CECR2: variants seen among roughly 807,000 people sequenced by gnomAD.
CECR2 encodes chromatin remodeling regulator CECR2.
In CECR2, 30 loss-of-function variants were observed where a neutral mutation model predicts 154.5. The ratio of observed to expected loss-of-function variants is 0.19; its 90% CI spans 0.15 to 0.26. The LOEUF (loss-of-function observed/expected upper bound fraction) is 0.26, where lower values mean the gene tolerates loss of function less well. Among genes scored for constraint, CECR2 ranks in the 10% least tolerant of loss-of-function variants. The pLI, the probability that CECR2 is intolerant of heterozygous loss-of-function variation, is 1.00. For synonymous variants in CECR2, 725 were observed against 683.7 expected (o/e 1.06, Z -0.94); for missense variants, 1,743 against 1,829.3 (o/e 0.95, Z 0.86).
intron 1 of CECR2, among the ~76,000 whole-genome samples, chr22:17,441,225 C>T (rs111494820): frequency 1.1e-4 from 17 of 152,324 alleles, no homozygotes; most frequent in African/African-American, 3.8e-4. Flanking sequence ...GCTGGGATTA[C>T]AGGCGTGAGC....
At chr22:17,473,876 G>T (rs563332775) in intron 1 of CECR2, among the ~76,000 whole-genome samples, 1 of 152,284 alleles carries the variant, frequency 6.6e-6, no homozygotes, top group African/African-American at 2.4e-5. Context: ...CATTTTAACT[G>T]ATCAGCCAGC....
chr22:17,423,518 AAAG>A (rs984368002), intron 1 of CECR2, among the ~76,000 whole-genome samples: 3 of 151,416 alleles, frequency 2.0e-5, no homozygotes, highest in South Asian at 2.1e-4. Flanking sequence ...AAAAAAAAAA[AAAG>A]AAGAAGAATT....
In CECR2 at chr22:17,458,563, A is replaced by C. The variant is rs533120546; in HGVS notation, c.127-19025A>C. ...GTTATGTAAGATGTTACCATTGGGG[A>C]AATTCTGATGAAGATCACATGGGAT... On this transcript the variant is annotated intron_variant, in intron 1 of 18. Transcript: ENST00000262608. Among the ~76,000 whole-genome samples the C allele has an allele frequency of 6.6e-5, 10 of 151,924 alleles. No individual in the cohort carries two copies. The South Asian group carries it at 2.1e-3, about 32-fold the overall frequency.
chr22:17,515,022 CAA>C (rs913316044), intron 8 of CECR2, among the ~76,000 whole-genome samples: 20 of 83,054 alleles, frequency 2.4e-4, no homozygotes, highest in Admixed American at 4.1e-4. Context: ...GACTCCGTCT[CAA>C]AAAAAAAAAA....
intron 1 of CECR2, among the ~76,000 whole-genome samples, chr22:17,458,621 A>G (rs925754302): frequency 6.6e-6 from 1 of 152,104 alleles, no homozygotes; most frequent in African/African-American, 2.4e-5. Flanking sequence ...ACCTATAATT[A>G]TTTCCAAGTA....
intron 10 of CECR2, among the ~76,000 whole-genome samples, chr22:17,537,710 T>C (rs559859524): frequency 1.3e-5 from 2 of 152,184 alleles, no homozygotes; most frequent in South Asian, 2.1e-4. Context: ...TAGTTGAAAA[T>C]GTGCTATAGG....
At chr22:17,439,056 G>C (rs1557621) in intron 1 of CECR2, among the ~76,000 whole-genome samples, 18,992 of 151,690 alleles carry the variant, frequency 0.13, 1,360 homozygotes, top group South Asian at 0.25. Flanking sequence ...AGAAGACCTA[G>C]CATTAATTCT....
At chr22:17,402,846 C>CT (rs1328839364) in intron 1 of CECR2, among the ~76,000 whole-genome samples, 19 of 151,836 alleles carry the variant, frequency 1.3e-4, no homozygotes, top group Admixed American at 1.0e-3. Flanking sequence ...CAACCTCCGC[C>CT]TCCCGGGTTC....
intron 1 of CECR2, among the ~76,000 whole-genome samples, chr22:17,415,940 G>C (rs1428307505): frequency 6.6e-6 from 1 of 152,130 alleles, no homozygotes; most frequent in Non-Finnish European, 1.5e-5. Context: ...GGAGATTTGA[G>C]GGCTCATCAC....
At chr22:17,441,894 A>G (rs542800887) in intron 1 of CECR2, among the ~76,000 whole-genome samples, 1 of 152,350 alleles carries the variant, frequency 6.6e-6, no homozygotes, top group South Asian at 2.1e-4. Flanking sequence ...ATAAAGTTCC[A>G]TAGGGAGGTG....
At chr22:17,408,831 C>T (rs1224118892) in intron 1 of CECR2, among the ~76,000 whole-genome samples, 1 of 152,202 alleles carries the variant, frequency 6.6e-6, no homozygotes, top group Non-Finnish European at 1.5e-5. Context: ...TGCATAAAGC[C>T]CTCCAGTGGC....
At chr22:17,443,420 T>A (rs531524400) in intron 1 of CECR2, among the ~76,000 whole-genome samples, 24 of 152,076 alleles carry the variant, frequency 1.6e-4, no homozygotes, top group Non-Finnish European at 2.9e-4. Flanking sequence ...AAGGGCAGAA[T>A]CCCTTTAAGC....
At position 17,364,362 on chromosome 22, in the gene CECR2, A is replaced by AAAAAAAAAAAAAAAAG. The variant is rs1491212019; in HGVS notation, c.-364+4339_-364+4340insAAAAAAAAAAAAAAAG. ...TGTCTCAAAAAAAAAAAAAAAAAAA[A>AAAAAAAAAAAAAAAAG]GAATTTGTGCCATACTTGGGCTTAG... On this transcript the variant is annotated intron_variant, in intron 1 of 18. Coordinates refer to the CECR2 transcript ENST00000400585. Among the ~76,000 whole-genome samples the AAAAAAAAAAAAAAAAG allele has an allele frequency of 2.2e-5, 3 of 133,412 alleles. 1 individual carries two copies. The highest frequency in any genetic ancestry group is 9.9e-5 in the African/African-American group (3 of 30,318). 87.5% of individuals were successfully genotyped at this position (133,412 alleles called of 152,430 possible).
At chr22:17,506,151 T>C (rs1226939142) in intron 7 of CECR2, among the ~76,000 whole-genome samples, 1 of 151,868 alleles carries the variant, frequency 6.6e-6, no homozygotes, top group East Asian at 1.9e-4. Flanking sequence ...CCAGCTTTTA[T>C]TGCTTTAAGA....
In CECR2 at chr22:17,497,523, G is replaced by A. The variant is rs2055652224; in HGVS notation, c.342G>A (p.Val114=). 2 of 1,613,824 alleles carry A rather than the reference G, an allele frequency of 1.2e-6. No individual in the cohort carries two copies. The highest frequency in any genetic ancestry group is 1.7e-5 in the Admixed American group (1 of 59,994). Residue 114 remains valine, a synonymous_variant, in exon 3 of 19, where the codon GTG becomes GTA. Coordinates refer to ENST00000262608, the MANE Select transcript of CECR2 (RefSeq NM_001290047.2). The part of the protein sequence containing the change: ...SFQDLPLRTR[V]EILHRLCDYR... ...AGGACCTGCCTCTTCGCACACGGGT[G>A]GAGATCCTGCACCGACTCTGTGATT...
chr22:17,506,643 G>GT (rs917480008), intron 7 of CECR2, among the ~76,000 whole-genome samples: 5 of 151,888 alleles, frequency 3.3e-5, no homozygotes, highest in African/African-American at 7.3e-5. Flanking sequence ...TTCTTTTCAT[G>GT]TTTTTTTGTT....
intron 1 of CECR2, among the ~76,000 whole-genome samples, chr22:17,371,176 A>C (rs1203131701): frequency 6.6e-6 from 1 of 152,116 alleles, no homozygotes; most frequent in Non-Finnish European, 1.5e-5. Context: ...TCTGTGAATG[A>C]AGTGTGGGAA....
At chr22:17,404,625 G>A (rs1009387730) in intron 1 of CECR2, among the ~76,000 whole-genome samples, 5 of 130,664 alleles carry the variant, frequency 3.8e-5, no homozygotes, top group Admixed American at 1.4e-4. Context: ...CACCCGCCTC[G>A]GCCTCCCAAA....
chr22:17,489,380 GTA>G (rs759205876), intron 2 of CECR2, among the ~76,000 whole-genome samples: 1 of 152,130 alleles, frequency 6.6e-6, no homozygotes, highest in African/African-American at 2.4e-5. Flanking sequence ...CCATAAATTT[GTA>G]TATGTCTTTT....
Sources: allele counts gnomAD v4.1 joint callset (sites outside exome capture counted in the v4.1 genomes callset), GRCh38; gene constraint gnomAD v4.1.1; transcripts MANE v1.5; gene names NCBI Gene and HGNC (gene_info 2026-07-23, HGNC 2026-07-21).